CFAP74: variants seen among roughly 807,000 people sequenced by gnomAD.
The protein encoded by CFAP74 is cilia- and flagella-associated protein 74.
CFAP74 carries 124 observed loss-of-function variants against 188.9 expected under a neutral mutation model. The ratio of observed to expected loss-of-function variants is 0.66; its 90% confidence interval spans 0.57 to 0.76. CFAP74 has a LOEUF of 0.76. Among genes scored for constraint, CFAP74 ranks in the 30% least tolerant of loss-of-function variants. The probability of loss-of-function intolerance (pLI) is 0.00; values close to 1 mark genes in which losing one functional copy is unlikely to be tolerated. For missense variants in CFAP74, 2,198 were observed against 2,165.2 expected, an observed-to-expected ratio of 1.02 and a Z score of -0.30; for synonymous variants, 956 against 916.7, an observed-to-expected ratio of 1.04 and a Z score of -0.77.
In CFAP74 at chr1:1,986,893, T is replaced by TGACCTCATGCCCGGTTCCCTGCCCC. The variant is rs1657271545; in HGVS notation, c.395+19_395+43dup. ...GGGTGAACCAGTGAACCTCCGGCCCTGACCTCATGCCCGGTTCCCTGCCCC... is the reference window on the plus strand; with the variant it reads ...GGGTGAACCAGTGAACCTCCGGCCCTGACCTCATGCCCGGTTCCCTGCCCCGACCTCATGCCCGGTTCCCTGCCCC... On this transcript the variant is annotated intron_variant, in intron 5 of 38. Coordinates refer to ENST00000682832, the MANE Select transcript of CFAP74 (RefSeq NM_001304360.2). 3 of 1,541,046 alleles carry TGACCTCATGCCCGGTTCCCTGCCCC rather than the reference T, an allele frequency of 1.9e-6. No homozygotes were observed. In the East Asian group the frequency reaches 6.8e-5, roughly 35 times the overall value.
chr1:1,982,392 A>G (rs1381132452), intron 6 of CFAP74, among the ~76,000 whole-genome samples: 2 of 152,142 alleles, frequency 1.3e-5, no homozygotes, highest in East Asian at 3.9e-4. Flanking sequence ...CTGTGGTCAC[A>G]CGCAGGGACA....
chr1:1,966,651 G>T, intron 11 of CFAP74, 125 bp from the exon 12 acceptor site: 1 of 782,068 alleles, frequency 1.3e-6, no homozygotes, highest in Non-Finnish European at 1.8e-6. Context: ...CACGTACTCT[G>T]CATGGAGATA....
rs1024403546 is a variant in CFAP74 at position 1,939,478 on chromosome 1, C to T, written c.2877+116G>A. 8.1e-5 allele frequency: 83 copies of T among 1,020,432 alleles called. 1 individual carries two copies. The highest frequency in any genetic ancestry group is 1.3e-4 in the African/African-American group (8 of 62,778). 63.2% of individuals were successfully genotyped at this position (1,020,432 alleles called of 1,614,324 possible). A position where few individuals can be genotyped will look rare whatever the true frequency, so the allele number is the denominator to read the frequency against. On this transcript the variant is annotated intron_variant, in intron 24 of 38. Coordinates refer to ENST00000682832, the MANE Select transcript of CFAP74 (RefSeq NM_001304360.2). ...GGTGTGGAGGGGTGCAGCTGAGAGGCGGAAGTTGGGCCACATGCCCACGCG... is the reference window on the plus strand; with the variant it reads ...GGTGTGGAGGGGTGCAGCTGAGAGGTGGAAGTTGGGCCACATGCCCACGCG...
rs1307625438 is a variant in CFAP74 at position 1,922,612 on chromosome 1, A to G, written c.4795T>C (p.Trp1599Arg). The stretch of plus-strand genomic sequence containing the variant: ...ACATCAAAGTCCGCAGGTGGCACCC[A>G]GGAGATGCTGATGGTCTTCGTCTGG... ...RGQTKTISIS[W>R]VPPADFDPDH... The change falls in exon 38 of 39, where the codon TGG (tryptophan) becomes CGG (arginine). Residue 1599 changes from tryptophan to arginine, a missense_variant. Trp to Arg is a moderately radical substitution (Grantham distance 101, BLOSUM62 -3). Coordinates refer to ENST00000682832, the MANE Select transcript of CFAP74 (RefSeq NM_001304360.2). The G allele has an allele frequency of 1.9e-6, 3 of 1,607,180 alleles. No individual in the cohort carries two copies. Among genetic ancestry groups the G allele is most frequent in the East Asian group, 2.2e-5 (1 of 44,570 alleles).
At chr1:1,989,713 G>T (rs1042701525) in intron 2 of CFAP74, among the ~76,000 whole-genome samples, 7 of 152,278 alleles carry the variant, frequency 4.6e-5, no homozygotes, top group African/African-American at 1.7e-4. Context: ...CACCCGTCTC[G>T]GCCTCCCCAA....
intron 6 of CFAP74, among the ~76,000 whole-genome samples, chr1:1,978,369 G>A (rs892126164): frequency 1.3e-5 from 2 of 152,184 alleles, no homozygotes; most frequent in African/African-American, 4.8e-5. Flanking sequence ...GCCTGGGAGG[G>A]AGCCGGGCTG....
intron 25 of CFAP74, 41 bp downstream of exon 25, chr1:1,938,814 C>T: frequency 6.5e-7 from 1 of 1,526,902 alleles, no homozygotes; most frequent in Non-Finnish European, 8.8e-7. Context: ...CCTGAGCGGG[C>T]ACTCCAGGCC....
Position 1,935,467 on chromosome 1 carries a change from G to C in CFAP74, c.3011+3388C>G, listed in dbSNP as rs3117476. Reference sequence around the variant, plus strand: ...GTGGGTGTTAGGTTGTAGGTACACAGGTGTGTGCGCGCTAGGTTGTAGGTA... The same window carrying C: ...GTGGGTGTTAGGTTGTAGGTACACACGTGTGTGCGCGCTAGGTTGTAGGTA... On this transcript the variant is annotated intron_variant, in intron 25 of 38. Coordinates refer to ENST00000682832, the MANE Select transcript of CFAP74 (RefSeq NM_001304360.2). Among the ~76,000 whole-genome samples the C allele has an allele frequency of 2.0e-4, 18 of 92,218 alleles. 2 individuals are homozygous for C. Among genetic ancestry groups the C allele is most frequent in the African/African-American group, 6.8e-4 (17 of 24,974 alleles). 60.5% of individuals were successfully genotyped at this position (92,218 alleles called of 152,430 possible). A position where few individuals can be genotyped will look rare whatever the true frequency, so the allele number is the denominator to read the frequency against.
chr1:1,925,234 G>A lies in CFAP74; in HGVS notation c.4104+549C>T, dbSNP rs540100435. On this transcript the variant is annotated intron_variant, in intron 33 of 38. Transcript: ENST00000682832. Reference sequence around the variant, plus strand: ...TGAAGGCATGAGGGCACACGCTGGTGTGAAGGCATGAGGGCACACAGGGCA... The same window carrying A: ...TGAAGGCATGAGGGCACACGCTGGTATGAAGGCATGAGGGCACACAGGGCA... Among the ~76,000 whole-genome samples the A allele has an allele frequency of 5.0e-4, 75 of 148,934 alleles. 1 individual carries two copies. The highest frequency in any genetic ancestry group is 1.8e-3 in the African/African-American group (73 of 39,874).
At chr1:1,939,078 G>T (rs1381295066) in intron 24 of CFAP74, 90 bp from the exon 25 acceptor site, 22 of 1,333,612 alleles carry the variant, frequency 1.6e-5, no homozygotes, top group Non-Finnish European at 2.3e-5. Flanking sequence ...AGTAAGAGAT[G>T]AGTGTGATCG....
Position 1,963,810 on chromosome 1 carries a change from T to A in CFAP74, c.1633A>T (p.Thr545Ser), listed in dbSNP as rs1655269215. The A allele has an allele frequency of 1.2e-6, 2 of 1,613,974 alleles. No homozygotes were observed. The highest frequency in any genetic ancestry group is 2.7e-5 in the African/African-American group (2 of 75,034). ...CCCACCAGCTTGCAGTAGTTGATCG[T>A]GTAGGTGGTGTTTACCAACGTGATC... ...KKITLVNTTY[T>S]INYCKLVGVE... The change falls in exon 14 of 39, where the codon ACG becomes TCG. Residue 545 changes from threonine (T) to serine (S), a missense_variant. Thr to Ser is a moderately conservative substitution (Grantham distance 58, BLOSUM62 1). Coordinates refer to ENST00000682832, the MANE Select transcript of CFAP74 (RefSeq NM_001304360.2).
At chr1:1,950,071 C>A (rs2490541) in intron 18 of CFAP74, among the ~76,000 whole-genome samples, 36,964 of 152,074 alleles carry the variant, frequency 0.24, 4,753 homozygotes, top group Non-Finnish European at 0.29. Context: ...TGCTGCTGAG[C>A]GTTTCGCTGG....
chr1:1,944,291 G>T (rs1184255016), intron 21 of CFAP74, 40 bp downstream of exon 21: 2 of 1,525,910 alleles, frequency 1.3e-6, no homozygotes, highest in African/African-American at 2.8e-5. Flanking sequence ...CACCCCGTGT[G>T]CGTGGGTCAC....
chr1:1,956,385 G>A (rs991737314), intron 17 of CFAP74, among the ~76,000 whole-genome samples: 9 of 152,154 alleles, frequency 5.9e-5, no homozygotes, highest in African/African-American at 1.9e-4. Context: ...CTGCTGCTAC[G>A]TGCCTGAGAA....
Position 1,985,494 on chromosome 1 carries a change from C to A in CFAP74, c.396-4G>T, listed in dbSNP as rs1657177423. 5.0e-6 allele frequency: 8 copies of A among 1,612,420 alleles called. No individual in the cohort carries two copies. Among genetic ancestry groups the A allele is most frequent in the Non-Finnish European group, 6.8e-6 (8 of 1,179,132 alleles). On this transcript the variant is annotated splice_region_variant and splice_polypyrimidine_tract_variant and intron_variant, in intron 5 of 38. Transcript: ENST00000682832. ...CTGGAGGCGGCCCACAGCGGCCCTG[C>A]AGTGGTGAACGGACAGGCCGGGCGT...
Position 1,923,295 on chromosome 1 carries a change from T to C in CFAP74, c.4522+72A>G. The C allele has an allele frequency of 6.6e-7, 1 of 1,512,364 alleles. No individual in the cohort carries two copies. The highest frequency in any genetic ancestry group is 8.9e-7 in the Non-Finnish European group (1 of 1,123,040). 93.7% of individuals were successfully genotyped at this position (1,512,364 alleles called of 1,614,324 possible). A position where few individuals can be genotyped will look rare whatever the true frequency, so the allele number is the denominator to read the frequency against. On this transcript the variant is annotated intron_variant, in intron 36 of 38. Transcript: ENST00000682832. The surrounding 1 kb of genome is among the most constrained non-coding windows in gnomAD (Gnocchi z 6.3). ...AATCCCTGCCCTGCTCCGCTGGGTCTCGGGGCCCCCATCCACGGGACAGGG... is the reference window on the plus strand; with the variant it reads ...AATCCCTGCCCTGCTCCGCTGGGTCCCGGGGCCCCCATCCACGGGACAGGG...
Position 1,928,878 on chromosome 1 carries a change from C to T in CFAP74, c.3293G>A (p.Cys1098Tyr). ...SVGTVWPGKR[C>Y]LVQVAFRPVL... is the part of the protein sequence containing the mutation. ...TGGCCGGAAGGCCACCTGGACCAGG[C>T]ACCTCTGAGGAGAGACCAGCGTGGG... The change falls in exon 27 of 39, where the codon TGC becomes TAC. Residue 1098 changes from cysteine (C) to tyrosine (Y), a missense_variant. By Grantham distance (194) the Cys-to-Tyr change is radical. Transcript: ENST00000682832. The T allele has an allele frequency of 6.5e-7, 1 of 1,535,284 alleles. No homozygotes were observed. Among genetic ancestry groups the T allele is most frequent in the Non-Finnish European group, 8.7e-7 (1 of 1,146,402 alleles).
chr1:1,954,885 A>G (rs932277043), intron 18 of CFAP74: 45 of 1,151,156 alleles, frequency 3.9e-5, no homozygotes, highest in Non-Finnish European at 4.8e-5. Flanking sequence ...ACTCACACAC[A>G]GGCCAAGGGG....
At chr1:1,969,063 G>A (rs965155651) in intron 10 of CFAP74, among the ~76,000 whole-genome samples, 2 of 152,132 alleles carry the variant, frequency 1.3e-5, no homozygotes, top group East Asian at 1.9e-4. Flanking sequence ...GGAGCTAAAC[G>A]CAAGCTCCAG....
Sources: gnomAD v4.1 joint callset for allele counts (sites outside exome capture counted in the v4.1 genomes callset) on GRCh38, gnomAD v4.1.1 for gene constraint, Gnocchi (gnomAD v3.1) non-coding constraint, MANE v1.5 for transcripts, NCBI Gene and HGNC (gene_info 2026-07-23, HGNC 2026-07-21) for gene names.